MAP3K21: variants seen among roughly 807,000 people sequenced by gnomAD.
MAP3K21 encodes mitogen-activated protein kinase kinase kinase MLK4.
Under a neutral mutation model 86.1 loss-of-function variants are expected in MAP3K21, and 63 were observed. The ratio of observed to expected loss-of-function variants is 0.73; its 90% CI spans 0.60 to 0.90. The LOEUF (loss-of-function observed/expected upper bound fraction) is 0.90, where lower values mean the gene tolerates loss of function less well. Ranked by LOEUF, MAP3K21 falls within the 40% of genes least tolerant of loss-of-function variation. MAP3K21 has a pLI of 0.00. For missense variants in MAP3K21, 1,220 were observed against 1,367.7 expected (o/e 0.89, Z 1.70); for synonymous variants, 558 against 564.8 (o/e 0.99, Z 0.17).
chr1:233,382,738 A>AT lies in MAP3K21; in HGVS notation c.*34dup. On this transcript the variant is annotated 3_prime_UTR_variant, in exon 10 of 10. Transcript: ENST00000366624. ...CTAAGTGCCTTACTGTTGTTTAAGC[A>AT]TTTTTTTAAGGTGAACAAATGAACA... 1.9e-6 allele frequency: 3 copies of AT among 1,587,870 alleles called. No homozygotes were observed. Among genetic ancestry groups the AT allele is most frequent in the Admixed American group, 1.7e-5 (1 of 59,134 alleles).
intron 1 of MAP3K21, among the ~76,000 whole-genome samples, chr1:233,340,392 G>A (rs1183663345): frequency 6.6e-6 from 1 of 152,168 alleles, no homozygotes; most frequent in Non-Finnish European, 1.5e-5. Flanking sequence ...GGGCAGTGGG[G>A]AGACAGAAAA....
chr1:233,377,723 C>T (rs1211241949), intron 8 of MAP3K21, among the ~76,000 whole-genome samples: 3 of 152,166 alleles, frequency 2.0e-5, no homozygotes, highest in Admixed American at 6.5e-5. Flanking sequence ...ATTTGTTGTG[C>T]ACTTTATTAT....
intron 9 of MAP3K21, among the ~76,000 whole-genome samples, chr1:233,380,626 T>G (rs1432509588): frequency 2.0e-5 from 3 of 152,194 alleles, no homozygotes; most frequent in Non-Finnish European, 4.4e-5. Context: ...GAAAATCAAA[T>G]TTTTAAATAG....
intron 1 of MAP3K21, among the ~76,000 whole-genome samples, chr1:233,335,220 C>T (rs1199333266): frequency 5.9e-5 from 9 of 151,960 alleles, no homozygotes; most frequent in African/African-American, 1.9e-4. Context: ...TTGTGGGGGA[C>T]CTGGGAGAGC....
At chr1:233,331,116 T>C (rs1360650051) in intron 1 of MAP3K21, among the ~76,000 whole-genome samples, 1 of 152,210 alleles carries the variant, frequency 6.6e-6, no homozygotes, top group East Asian at 1.9e-4. Context: ...GTGTATTCAG[T>C]AGATATTACA....
rs931042167 is a variant in MAP3K21 at position 233,328,811 on chromosome 1, C to T, written c.783C>T (p.His261=). The change falls in exon 1 of 10, where the codon CAC becomes CAT. Residue 261 remains histidine, a synonymous_variant. Transcript: ENST00000366624. The surrounding 1 kb of genome is among the most constrained non-coding windows in gnomAD (Gnocchi z 8.7). ...LHEEAFVPIL[H]RDLKSSNILL... is the part of the protein sequence containing the mutation. ...AGGAGGCCTTCGTGCCCATCCTGCACCGGGACCTCAAGTCCAGCAACAGTA... is the reference window on the plus strand; with the variant it reads ...AGGAGGCCTTCGTGCCCATCCTGCATCGGGACCTCAAGTCCAGCAACAGTA... The T allele has an allele frequency of 5.9e-6, 9 of 1,536,040 alleles. No individual in the cohort carries two copies. The highest frequency in any genetic ancestry group is 2.0e-5 in the Admixed American group (1 of 51,250).
chr1:233,347,711 A>C, intron 2 of MAP3K21, among the ~76,000 whole-genome samples: 1 of 152,174 alleles, frequency 6.6e-6, no homozygotes, highest in East Asian at 1.9e-4. Context: ...TGGCAACAGT[A>C]GACGCTGGGG....
intron 3 of MAP3K21, among the ~76,000 whole-genome samples, 169 bp from the exon 4 acceptor site, chr1:233,354,667 A>C (rs1286655414): frequency 6.6e-6 from 1 of 152,220 alleles, no homozygotes; most frequent in African/African-American, 2.4e-5. Context: ...TAAACTATTC[A>C]AACTATTACC....
rs558263412 is a variant in MAP3K21 at position 233,372,294 on chromosome 1, T to A, written c.1675+134T>A. On this transcript the variant is annotated intron_variant, in intron 6 of 9. Coordinates refer to ENST00000366624, the MANE Select transcript of MAP3K21 (RefSeq NM_032435.3). ...TAGGACATTTCGTAGGTGCCACAAC[T>A]ATTTGAGAAACAAAACTTGAGCATA... 6 of 995,700 alleles carry A rather than the reference T, an allele frequency of 6.0e-6. No individual in the cohort carries two copies. The South Asian group carries it at 1.6e-4, about 26-fold the overall frequency. The allele number at this position is 995,700 out of a possible 1,614,324, so 61.7% of individuals were successfully genotyped here.
At chr1:233,367,816 G>A (rs1239561106) in intron 5 of MAP3K21, among the ~76,000 whole-genome samples, 1 of 146,862 alleles carries the variant, frequency 6.8e-6, no homozygotes, top group Admixed American at 6.9e-5. Flanking sequence ...CTGAGATCTC[G>A]CCACTGCACT....
At position 233,327,931 on chromosome 1, in the gene MAP3K21, C is replaced by T. The variant is rs1662723772; in HGVS notation, c.-98C>T. On this transcript the variant is annotated 5_prime_UTR_variant, in exon 1 of 10. Transcript: ENST00000366624. Reference sequence around the variant, plus strand: ...GCGATTCCTACCCCCTCGCCTTCCCCCGGCGCCGACGGCCACACCGCCGGA... The same window carrying T: ...GCGATTCCTACCCCCTCGCCTTCCCTCGGCGCCGACGGCCACACCGCCGGA... The T allele has an allele frequency of 9.9e-7, 1 of 1,015,104 alleles. No homozygotes were observed. Among genetic ancestry groups the T allele is most frequent in the African/African-American group, 1.7e-5 (1 of 59,478 alleles). The allele number at this position is 1,015,104 out of a possible 1,614,324, so 62.9% of individuals were successfully genotyped here.
At chr1:233,371,203 C>A (rs960354030) in intron 5 of MAP3K21, among the ~76,000 whole-genome samples, 87 of 152,264 alleles carry the variant, frequency 5.7e-4, no homozygotes, top group African/African-American at 1.9e-3. Context: ...CTGTTTTATT[C>A]AACACCACGA....
intron 9 of MAP3K21, among the ~76,000 whole-genome samples, chr1:233,381,397 G>A (rs1227144162): frequency 6.6e-6 from 1 of 152,118 alleles, no homozygotes; most frequent in South Asian, 2.1e-4. Flanking sequence ...TTTTGTATGT[G>A]AACATAATTG....
intron 3 of MAP3K21, among the ~76,000 whole-genome samples, chr1:233,354,263 A>G (rs1270888860): frequency 6.6e-6 from 1 of 152,236 alleles, no homozygotes; most frequent in Admixed American, 6.5e-5. Context: ...AATTGGCTCC[A>G]AATCTGCTAT....
intron 1 of MAP3K21, among the ~76,000 whole-genome samples, chr1:233,331,108 G>A (rs1275423806): frequency 6.6e-6 from 1 of 152,200 alleles, no homozygotes; most frequent in African/African-American, 2.4e-5. Flanking sequence ...AGACTACTGT[G>A]TATTCAGTAG....
At chr1:233,363,920 G>T (rs1266963397) in intron 5 of MAP3K21, among the ~76,000 whole-genome samples, 1 of 151,636 alleles carries the variant, frequency 6.6e-6, no homozygotes, top group Non-Finnish European at 1.5e-5. Context: ...AGGCTGAGGC[G>T]GGGGAATCTC....
At position 233,375,090 on chromosome 1, in the gene MAP3K21, C is replaced by T. The variant is rs930207739; in HGVS notation, c.1676-826C>T. On this transcript the variant is annotated intron_variant, in intron 6 of 9. Transcript: ENST00000366624. ...CTGAGTAGCTGGGATTACAGGCGCC[C>T]GCCACCATGCCCAGTTAATTTTTTT... Among the ~76,000 whole-genome samples the T allele has an allele frequency of 9.2e-5, 14 of 151,784 alleles. No homozygotes were observed. The East Asian group carries it at 1.2e-3, about 13-fold the overall frequency.
At chr1:233,343,958 G>C (rs1663085969) in intron 1 of MAP3K21, among the ~76,000 whole-genome samples, 1 of 152,216 alleles carries the variant, frequency 6.6e-6, no homozygotes, top group Admixed American at 6.5e-5. Context: ...CTAGAGGAGA[G>C]GGTGGCAGCC....
rs146755027 is a variant in MAP3K21 at position 233,362,931 on chromosome 1, TC to T, written c.1552+639del. On this transcript the variant is annotated intron_variant, in intron 5 of 9. Transcript: ENST00000366624. ...AGGGAATAGAAAATATATCAATCAA[TC>T]AATACATATAGATATTATTGACTGA... Among the ~76,000 whole-genome samples the T allele has an allele frequency of 5.8e-3, 889 of 152,226 alleles. 11 individuals carry two copies. Among genetic ancestry groups the T allele is most frequent in the African/African-American group, 0.021 (860 of 41,520 alleles).
Sources: gnomAD v4.1 joint callset for allele counts (sites outside exome capture counted in the v4.1 genomes callset) on GRCh38, gnomAD v4.1.1 for gene constraint, Gnocchi (gnomAD v3.1) non-coding constraint, MANE v1.5 for transcripts, NCBI Gene and HGNC (gene_info 2026-07-23, HGNC 2026-07-21) for gene names.